Variants in RCAN2 observed in about 807,000 individuals in gnomAD.
The protein encoded by RCAN2 is regulator of calcineurin 2, also known as calcipressin-2.
RCAN2 carries 9 observed loss-of-function variants against 23.6 expected under a neutral mutation model. The ratio of observed to expected loss-of-function variants is 0.38; its 90% CI spans 0.23 to 0.67. The LOEUF is 0.67. Ranked by LOEUF, RCAN2 falls within the 30% of genes least tolerant of loss-of-function variation. The probability of loss-of-function intolerance (pLI) is 0.51; values close to 1 mark genes in which losing one functional copy is unlikely to be tolerated. For missense variants in RCAN2, 273 were observed against 302.3 expected, an observed-to-expected ratio of 0.90 and a Z score of 0.72; for synonymous variants, 109 against 115.7, an observed-to-expected ratio of 0.94 and a Z score of 0.37.
intron 1 of RCAN2, among the ~76,000 whole-genome samples, chr6:46,484,145 A>T (rs150639090): frequency 6.6e-6 from 1 of 152,378 alleles, no homozygotes; most frequent in East Asian, 1.9e-4. Flanking sequence ...ACTTTCAGAC[A>T]AATTTATGGG....
intron 4 of RCAN2, among the ~76,000 whole-genome samples, chr6:46,230,573 A>G (rs964659622): frequency 2.6e-5 from 4 of 152,166 alleles, no homozygotes; most frequent in South Asian, 2.1e-4. Flanking sequence ...GCACCCTCCA[A>G]GCCAGGCACA....
intron 2 of RCAN2, among the ~76,000 whole-genome samples, chr6:46,250,465 G>A (rs962861840): frequency 2.0e-5 from 3 of 152,196 alleles, no homozygotes; most frequent in Non-Finnish European, 4.4e-5. Flanking sequence ...GGATGGAGAT[G>A]CATGAAATAT....
At chr6:46,332,152 G>A (rs1320562692) in intron 2 of RCAN2, among the ~76,000 whole-genome samples, 3 of 151,860 alleles carry the variant, frequency 2.0e-5, no homozygotes, top group Non-Finnish European at 4.4e-5. Flanking sequence ...CTTTAATTTT[G>A]TGTTATAATT....
rs181338380 is a variant in RCAN2 at position 46,407,905 on chromosome 6, T to C, written c.225+48847A>G. Among the ~76,000 whole-genome samples the C allele has an allele frequency of 1.8e-3, 280 of 152,304 alleles. 2 individuals carry two copies. The highest frequency in any genetic ancestry group is 5.8e-3 in the South Asian group (28 of 4,828). ...CTACGTAAAAATTAAAAACTTGGCA[T>C]GCCCCAAAGGATTATAAACAGAATG... On this transcript the variant is annotated intron_variant, in intron 2 of 4. Transcript: ENST00000371374.
At chr6:46,307,705 A>G (rs747032330) in intron 2 of RCAN2, among the ~76,000 whole-genome samples, 1 of 152,186 alleles carries the variant, frequency 6.6e-6, no homozygotes, top group Non-Finnish European at 1.5e-5. Flanking sequence ...CATGAATTAT[A>G]TATTAGAAAA....
At chr6:46,340,014 T>G (rs1339082583) in intron 2 of RCAN2, among the ~76,000 whole-genome samples, 1 of 152,186 alleles carries the variant, frequency 6.6e-6, no homozygotes, top group African/African-American at 2.4e-5. Context: ...CCTTGTATCC[T>G]CAGCCCTTAG....
intron 2 of RCAN2, among the ~76,000 whole-genome samples, chr6:46,442,506 T>A (rs573510772): frequency 9.2e-5 from 14 of 152,352 alleles, no homozygotes; most frequent in Admixed American, 8.5e-4. Context: ...AGACTGCTTC[T>A]GCTCATTTTA....
chr6:46,379,635 C>G (rs1444085867), intron 2 of RCAN2, among the ~76,000 whole-genome samples: 1 of 152,072 alleles, frequency 6.6e-6, no homozygotes, highest in Non-Finnish European at 1.5e-5. Context: ...GGGATTTGAA[C>G]AATCATCTCA....
At position 46,330,521 on chromosome 6, in the gene RCAN2, G is replaced by A. The variant is rs371116006; in HGVS notation, c.226-81625C>T. Among the ~76,000 whole-genome samples, 18 of 152,188 alleles carry A rather than the reference G, an allele frequency of 1.2e-4. No homozygotes were observed. In the East Asian group the frequency reaches 1.9e-3, roughly 16 times the overall value. On this transcript the variant is annotated intron_variant, in intron 2 of 4. Transcript: ENST00000371374. ...CACAATACGTACCATCACACAATTC[G>A]AAAAGCAAGAATATTTCCTTAGTAT...
chr6:46,257,971 A>G (rs1279804128), intron 2 of RCAN2, among the ~76,000 whole-genome samples: 1 of 152,246 alleles, frequency 6.6e-6, no homozygotes, highest in African/African-American at 2.4e-5. Context: ...AACAGCTACT[A>G]GGGAAGTCCA....
chr6:46,489,089 C>T (rs78922452), intron 1 of RCAN2, among the ~76,000 whole-genome samples: 6,115 of 152,268 alleles, frequency 0.04, 319 homozygotes, highest in Admixed American at 0.16. Flanking sequence ...CCTGTCTTCC[C>T]TCAGAACATG....
chr6:46,350,876 G>A (rs1414233844), intron 2 of RCAN2, among the ~76,000 whole-genome samples: 3 of 152,104 alleles, frequency 2.0e-5, no homozygotes, highest in African/African-American at 7.2e-5. Flanking sequence ...AACCCCAAAA[G>A]TCTGGCCTGG....
At chr6:46,354,070 CA>C (rs1319028164) in intron 2 of RCAN2, among the ~76,000 whole-genome samples, 1 of 152,108 alleles carries the variant, frequency 6.6e-6, no homozygotes, top group Non-Finnish European at 1.5e-5. Flanking sequence ...TACAGTTTTC[CA>C]GGAGTTAAGT....
At chr6:46,372,149 T>C (rs941639539) in intron 2 of RCAN2, among the ~76,000 whole-genome samples, 9 of 152,206 alleles carry the variant, frequency 5.9e-5, no homozygotes, top group Admixed American at 3.3e-4. Flanking sequence ...GGCATGCTCA[T>C]GGTGTTTCTT....
chr6:46,385,657 G>C (rs894726592), intron 2 of RCAN2, among the ~76,000 whole-genome samples: 1 of 151,936 alleles, frequency 6.6e-6, no homozygotes, highest in South Asian at 2.1e-4. Flanking sequence ...AGGAGTTCGA[G>C]ACCAGCCTGG....
rs181670407 is a variant in RCAN2 at position 46,329,231 on chromosome 6, C to T, written c.226-80335G>A. Among the ~76,000 whole-genome samples the T allele has an allele frequency of 2.6e-4, 39 of 152,290 alleles. 1 individual carries two copies. Among genetic ancestry groups the T allele is most frequent in the East Asian group, 2.5e-3 (13 of 5,182 alleles). On this transcript the variant is annotated intron_variant, in intron 2 of 4. Transcript: ENST00000371374. Reference sequence around the variant, plus strand: ...TGCTCCTTCTTATCATCTGGATCTCCGCTCAGATCACATCTCTTTGGAAAA... The same window carrying T: ...TGCTCCTTCTTATCATCTGGATCTCTGCTCAGATCACATCTCTTTGGAAAA...
chr6:46,287,103 T>C (rs902734667), intron 2 of RCAN2, among the ~76,000 whole-genome samples: 3 of 152,108 alleles, frequency 2.0e-5, no homozygotes, highest in African/African-American at 7.2e-5. Flanking sequence ...GAGCCTGCTA[T>C]CATGCCATGG....
At chr6:46,342,713 T>C in intron 2 of RCAN2, among the ~76,000 whole-genome samples, 1 of 151,706 alleles carries the variant, frequency 6.6e-6, no homozygotes, top group Non-Finnish European at 1.5e-5. Flanking sequence ...ACATGTTTGC[T>C]TTCATCCTTG....
chr6:46,236,032 G>A (rs751869557), intron 4 of RCAN2, among the ~76,000 whole-genome samples: 11 of 152,150 alleles, frequency 7.2e-5, no homozygotes, highest in Non-Finnish European at 5.9e-5. Context: ...ACTTGATAAA[G>A]CCCTCTCCCA....
Sources: allele counts gnomAD v4.1 joint callset (sites outside exome capture counted in the v4.1 genomes callset), GRCh38; gene constraint gnomAD v4.1.1; transcripts MANE v1.5; gene names NCBI Gene and HGNC (gene_info 2026-07-23, HGNC 2026-07-21).